The following BTRC variants were observed in gnomAD, a reference collection of about 807,000 sequenced individuals.
BTRC encodes F-box/WD repeat-containing protein 1A.
A neutral mutation model predicts 85.5 loss-of-function variants in BTRC; 42 were observed. The ratio of observed to expected loss-of-function variants is 0.49; its 90% CI spans 0.38 to 0.64. BTRC has a LOEUF of 0.64. Among genes scored for constraint, BTRC ranks in the 30% least tolerant of loss-of-function variants. The pLI is 0.00. For synonymous variants in BTRC, 255 were observed against 263.3 expected (o/e 0.97, Z 0.30); for missense variants, 594 against 743.5 (o/e 0.80, Z 2.34).
intron 2 of BTRC, among the ~76,000 whole-genome samples, chr10:101,441,160 G>C (rs1439314518): frequency 1.3e-5 from 2 of 151,986 alleles, no homozygotes; most frequent in South Asian, 2.1e-4. Context: ...ACCATTTTTT[G>C]CAGTCTTAGA....
intron 1 of BTRC, among the ~76,000 whole-genome samples, chr10:101,415,463 T>C (rs1186030072): frequency 4.7e-4 from 2 of 4,232 alleles, no homozygotes; most frequent in African/African-American, 2.6e-4. Flanking sequence ...CCACCACTTT[T>C]ATTTTATTTT....
Position 101,526,157 on chromosome 10 carries a change from G to C in BTRC, c.701G>C (p.Arg234Thr), listed in dbSNP as rs780579198. ...AAGAAGCTTATCGAGAGAATGGTCA[G>C]GACAGATTCTCTGTGGAGAGGCCTG... ...LWKKLIERMV[R>T]TDSLWRGLAE... is the part of the protein sequence containing the mutation. The change falls in exon 6 of 15, where the codon AGG becomes ACG. Residue 234 changes from arginine (R) to threonine (T), a missense_variant. By Grantham distance (71) the Arg-to-Thr change is moderately conservative. Around this residue, in one of 4 missense-constraint regions of BTRC, gnomAD observed 373 missense variants for 503.6 expected, o/e 0.74. Coordinates refer to ENST00000370187, the MANE Select transcript of BTRC (RefSeq NM_033637.4). 1.2e-6 allele frequency: 2 copies of C among 1,614,130 alleles called. No homozygotes were observed. Among genetic ancestry groups the C allele is most frequent in the South Asian group, 2.2e-5 (2 of 91,072 alleles).
At chr10:101,515,894 ATT>A (rs2062017008) in intron 4 of BTRC, among the ~76,000 whole-genome samples, 1 of 152,158 alleles carries the variant, frequency 6.6e-6, no homozygotes, top group Non-Finnish European at 1.5e-5. Context: ...CAAAAAATGT[ATT>A]CTTTTTTAAT....
intron 3 of BTRC, among the ~76,000 whole-genome samples, chr10:101,477,156 T>G (rs1945711735): frequency 1.3e-5 from 2 of 152,036 alleles, no homozygotes; most frequent in African/African-American, 4.8e-5. Flanking sequence ...TTTTTTATTT[T>G]TTTATTTTCT....
chr10:101,529,380 GA>G (rs2062247288), intron 6 of BTRC, among the ~76,000 whole-genome samples: 1 of 152,172 alleles, frequency 6.6e-6, no homozygotes, highest in African/African-American at 2.4e-5. Flanking sequence ...CATTGCATAG[GA>G]AGAAAGTCTT....
chr10:101,527,116 T>C (rs1344003224), intron 6 of BTRC, among the ~76,000 whole-genome samples: 1 of 152,216 alleles, frequency 6.6e-6, no homozygotes, highest in Non-Finnish European at 1.5e-5. Flanking sequence ...CAGAAAAAAT[T>C]ATAATAGGCA....
intron 3 of BTRC, among the ~76,000 whole-genome samples, chr10:101,473,458 T>G (rs948578873): frequency 3.4e-4 from 48 of 143,236 alleles, no homozygotes; most frequent in Non-Finnish European, 5.8e-4. Flanking sequence ...TAATTTTTCT[T>G]TTTTCTCTTT....
intron 2 of BTRC, among the ~76,000 whole-genome samples, chr10:101,443,718 T>C (rs1944751592): frequency 6.6e-6 from 1 of 152,240 alleles, no homozygotes; most frequent in Admixed American, 6.5e-5. Flanking sequence ...ATTTCTTGTA[T>C]GAATAGCTCT....
At chr10:101,419,928 T>A (rs1438732375) in intron 1 of BTRC, among the ~76,000 whole-genome samples, 1 of 152,188 alleles carries the variant, frequency 6.6e-6, no homozygotes, top group Non-Finnish European at 1.5e-5. Flanking sequence ...CCTCGCATTG[T>A]TCTAAGGAGC....
intron 1 of BTRC, among the ~76,000 whole-genome samples, chr10:101,371,129 T>A (rs1404527657): frequency 6.6e-6 from 1 of 152,140 alleles, no homozygotes; most frequent in East Asian, 1.9e-4. Context: ...AAACTATCGA[T>A]GTCTCCCTTA....
At chr10:101,362,650 C>T (rs1379356312) in intron 1 of BTRC, among the ~76,000 whole-genome samples, 1 of 152,114 alleles carries the variant, frequency 6.6e-6, no homozygotes, top group Non-Finnish European at 1.5e-5. Flanking sequence ...CCGCCTCTGC[C>T]TCCCAAAGTG....
At chr10:101,407,276 A>C (rs1190367049) in intron 1 of BTRC, among the ~76,000 whole-genome samples, 1 of 152,162 alleles carries the variant, frequency 6.6e-6, no homozygotes, top group Non-Finnish European at 1.5e-5. Flanking sequence ...TGAGCTCAGG[A>C]GTTTGAGGTT....
intron 4 of BTRC, among the ~76,000 whole-genome samples, chr10:101,496,851 A>T (rs1017726990): frequency 1.8e-4 from 27 of 152,050 alleles, no homozygotes; most frequent in Non-Finnish European, 4.0e-4. Context: ...TATTTGTCTG[A>T]TGTATGTATT....
chr10:101,375,070 G>T (rs1942754269), intron 1 of BTRC, among the ~76,000 whole-genome samples: 2 of 152,150 alleles, frequency 1.3e-5, no homozygotes, highest in African/African-American at 4.8e-5. Context: ...GGACGCAGGG[G>T]AACTTAGCAA....
At chr10:101,362,189 CCTT>C (rs1456635589) in intron 1 of BTRC, among the ~76,000 whole-genome samples, 3 of 151,876 alleles carry the variant, frequency 2.0e-5, no homozygotes, top group Non-Finnish European at 4.4e-5. Flanking sequence ...TCGATCTCCT[CCTT>C]GTGATTCGCC....
At chr10:101,366,327 G>A (rs1172829106) in intron 1 of BTRC, among the ~76,000 whole-genome samples, 1 of 151,990 alleles carries the variant, frequency 6.6e-6, no homozygotes, top group Non-Finnish European at 1.5e-5. Flanking sequence ...CATTATGGGG[G>A]CAGAGGGGGG....
chr10:101,476,198 C>G (rs1046488334), intron 3 of BTRC, among the ~76,000 whole-genome samples: 17 of 151,710 alleles, frequency 1.1e-4, no homozygotes, highest in African/African-American at 3.6e-4. Flanking sequence ...TGCTGTTTAG[C>G]AGTGTCAGTC....
intron 3 of BTRC, among the ~76,000 whole-genome samples, chr10:101,470,544 G>T (rs1048918934): frequency 6.6e-6 from 1 of 151,956 alleles, no homozygotes; most frequent in Non-Finnish European, 1.5e-5. Context: ...TGGCTAGGCT[G>T]GTCTCGAACT....
At chr10:101,551,439 C>A (rs1054335993) in intron 14 of BTRC, among the ~76,000 whole-genome samples, 1 of 152,206 alleles carries the variant, frequency 6.6e-6, no homozygotes, top group Non-Finnish European at 1.5e-5. Context: ...TGTCTTTTGA[C>A]CTCTGACCTC....
Sources: gnomAD v4.1 joint callset for allele counts (sites outside exome capture counted in the v4.1 genomes callset) on GRCh38, gnomAD v4.1.1 for gene constraint, gnomAD v4.1.1 regional missense constraint, MANE v1.5 for transcripts, NCBI Gene and HGNC (gene_info 2026-07-23, HGNC 2026-07-21) for gene names.